The following PHF14 variants were observed in gnomAD, a reference collection of about 807,000 sequenced individuals.
PHF14 encodes PHD finger protein 14.
PHF14 carries 55 observed loss-of-function variants against 117.9 expected under a neutral mutation model. That is an observed-to-expected ratio of 0.47 (90% CI 0.38 to 0.58). The LOEUF (loss-of-function observed/expected upper bound fraction) is 0.58. PHF14 is among the 20% of genes least tolerant of loss of function. PHF14 has a pLI of 0.00. For missense variants in PHF14, 978 were observed against 1,122.2 expected (o/e 0.87, Z 1.84); for synonymous variants, 409 against 368.6 (o/e 1.11, Z -1.26).
At chr7:10,992,631 C>G (rs1327459393) in intron 4 of PHF14, among the ~76,000 whole-genome samples, 1 of 151,958 alleles carries the variant, frequency 6.6e-6, no homozygotes, top group African/African-American at 2.4e-5. Flanking sequence ...CCACTGTACT[C>G]CAGCCTGGGC....
intron 5 of PHF14, 139 bp downstream of exon 5, chr7:11,014,045 T>C: frequency 1.8e-6 from 1 of 544,962 alleles, no homozygotes; most frequent in Non-Finnish European, 3.2e-6. Flanking sequence ...AAATGACCAG[T>C]GGGATACAGA....
At chr7:11,002,734 G>A (rs1033864864) in intron 4 of PHF14, among the ~76,000 whole-genome samples, 3 of 151,364 alleles carry the variant, frequency 2.0e-5, no homozygotes, top group East Asian at 2.0e-4. Context: ...GTGAGCCACC[G>A]CGCCCGGCCA....
At chr7:11,120,997 A>G (rs772270311) in intron 17 of PHF14, among the ~76,000 whole-genome samples, 2 of 152,170 alleles carry the variant, frequency 1.3e-5, no homozygotes, top group Non-Finnish European at 2.9e-5. Context: ...GTAAACTTGA[A>G]ACTGAAATGA....
chr7:11,048,640 A>G (rs1784754011), intron 13 of PHF14, among the ~76,000 whole-genome samples: 1 of 152,226 alleles, frequency 6.6e-6, no homozygotes, highest in South Asian at 2.1e-4. Flanking sequence ...CTAGGTTATT[A>G]TTTCTTACCA....
Position 11,169,507 on chromosome 7 carries a change from T to G in PHF14, c.*17T>G, listed in dbSNP as rs1165455139. 1 of 1,317,520 alleles carries G rather than the reference T, an allele frequency of 7.6e-7. No homozygotes were observed. The highest frequency in any genetic ancestry group is 2.7e-5 in the Admixed American group (1 of 37,702). The allele number at this position is 1,317,520 out of a possible 1,614,324, so 81.6% of individuals were successfully genotyped here. A position where few individuals can be genotyped will look rare whatever the true frequency, so the allele number is the denominator to read the frequency against. ...AAGAAATAAAAGATTTTCTGTAGTGTTTTTGAAAAGTTTGCAGCTTATGTA... is the reference window on the plus strand; with the variant it reads ...AAGAAATAAAAGATTTTCTGTAGTGGTTTTGAAAAGTTTGCAGCTTATGTA... On this transcript the variant is annotated 3_prime_UTR_variant, in exon 18 of 18. Coordinates refer to ENST00000634607, the MANE Select transcript of PHF14 (RefSeq NM_001007157.2).
At chr7:11,123,764 G>A (rs966516224) in intron 17 of PHF14, among the ~76,000 whole-genome samples, 4 of 151,522 alleles carry the variant, frequency 2.6e-5, no homozygotes, top group Non-Finnish European at 4.4e-5. Context: ...TGGGTGAATC[G>A]CTTGAACCCA....
chr7:11,005,733 C>A (rs565948850), intron 4 of PHF14, among the ~76,000 whole-genome samples: 2 of 151,120 alleles, frequency 1.3e-5, no homozygotes, highest in South Asian at 4.2e-4. Flanking sequence ...CAAACATGTG[C>A]CATGTATATA....
chr7:11,083,459 T>G (rs971836386), intron 16 of PHF14, among the ~76,000 whole-genome samples: 2 of 138,320 alleles, frequency 1.4e-5, no homozygotes, highest in African/African-American at 5.5e-5. Flanking sequence ...TATTCTGCTT[T>G]CCCTATTTTT....
intron 17 of PHF14, among the ~76,000 whole-genome samples, chr7:11,166,871 C>T (rs1789216676): frequency 6.6e-6 from 1 of 152,176 alleles, no homozygotes; most frequent in South Asian, 2.1e-4. Flanking sequence ...TCCTGAACAG[C>T]AGGCAGTGTT....
At chr7:10,995,648 G>C (rs1782616871) in intron 4 of PHF14, among the ~76,000 whole-genome samples, 1 of 152,216 alleles carries the variant, frequency 6.6e-6, no homozygotes, top group Non-Finnish European at 1.5e-5. Context: ...CCATGGCGGG[G>C]TGGGTAAGGC....
chr7:11,063,786 C>T lies in PHF14; in HGVS notation c.2654+1701C>T, dbSNP rs912876121. The T allele has an allele frequency of 1.5e-5, 9 of 595,170 alleles. No individual in the cohort carries two copies. In the Admixed American group the frequency reaches 5.1e-4, roughly 34 times the overall value. 36.9% of individuals were successfully genotyped at this position (595,170 alleles called of 1,614,324 possible). A position where few individuals can be genotyped will look rare whatever the true frequency, so the allele number is the denominator to read the frequency against. On this transcript the variant is annotated intron_variant, in intron 16 of 17. Transcript: ENST00000634607. Reference sequence around the variant, plus strand: ...TTTTAGTCGTTTAATAAAAAAAGTGCCATCTTCTAATTTTGATAAGATTTT... The same window carrying T: ...TTTTAGTCGTTTAATAAAAAAAGTGTCATCTTCTAATTTTGATAAGATTTT...
chr7:11,105,143 C>T (rs965651303), intron 16 of PHF14: 3 of 975,192 alleles, frequency 3.1e-6, no homozygotes, highest in Non-Finnish European at 3.7e-6. Context: ...TATAAAAAGA[C>T]TTGAAATTAG....
chr7:11,106,228 G>A (rs1787256440), intron 16 of PHF14: 1 of 976,756 alleles, frequency 1.0e-6, no homozygotes, highest in Non-Finnish European at 1.2e-6. Flanking sequence ...ATTAAATACA[G>A]ATTTGGATTT....
intron 7 of PHF14, among the ~76,000 whole-genome samples, chr7:11,035,099 C>T (rs1247471360): frequency 3.4e-5 from 5 of 148,692 alleles, no homozygotes; most frequent in South Asian, 2.1e-4. Context: ...AACTGCAGAT[C>T]GAAAATGTTT....
intron 5 of PHF14, among the ~76,000 whole-genome samples, chr7:11,020,288 A>G (rs574237182): frequency 6.6e-6 from 1 of 151,830 alleles, no homozygotes; most frequent in Non-Finnish European, 1.5e-5. Flanking sequence ...CGAGGTTTCA[A>G]CCTGTTGCCC....
chr7:11,041,484 A>G (rs1354759229), intron 12 of PHF14, among the ~76,000 whole-genome samples: 1 of 151,502 alleles, frequency 6.6e-6, no homozygotes, highest in Non-Finnish European at 1.5e-5. Context: ...ATGCATACAT[A>G]TATGTTATGC....
At chr7:11,063,082 T>G (rs975208088) in intron 16 of PHF14, 9 of 895,644 alleles carry the variant, frequency 1.0e-5, no homozygotes, top group Non-Finnish European at 1.2e-5. Flanking sequence ...ATGTCTTAAT[T>G]TCTCAAAGAA....
At chr7:11,036,273 A>C in intron 8 of PHF14, 145 bp from the exon 9 acceptor site, 1 of 668,680 alleles carries the variant, frequency 1.5e-6, no homozygotes, top group South Asian at 2.0e-5. Context: ...GTATACCTTA[A>C]GGATCATTCA....
chr7:11,016,762 G>A (rs1260977738), intron 5 of PHF14, among the ~76,000 whole-genome samples: 1 of 152,088 alleles, frequency 6.6e-6, no homozygotes, highest in African/African-American at 2.4e-5. Context: ...CCCTCTTTAA[G>A]TTATTTTTAA....
Sources: allele counts gnomAD v4.1 joint callset (sites outside exome capture counted in the v4.1 genomes callset), GRCh38; gene constraint gnomAD v4.1.1; transcripts MANE v1.5; gene names NCBI Gene and HGNC (gene_info 2026-07-23, HGNC 2026-07-21).